Variants in MAP7D2 observed in about 807,000 individuals in gnomAD.
MAP7D2 encodes the protein MAP7 domain containing 2.
In MAP7D2, 33 loss-of-function variants were observed where a neutral mutation model predicts 63.5. That is an observed-to-expected ratio of 0.52 (90% CI 0.39 to 0.70). The LOEUF (loss-of-function observed/expected upper bound fraction) is 0.70. Ranked by LOEUF, MAP7D2 falls within the 30% of genes least tolerant of loss-of-function variation. The probability of loss-of-function intolerance (pLI) is 0.00; values close to 1 mark genes in which losing one functional copy is unlikely to be tolerated. For synonymous variants in MAP7D2, 224 were observed against 223.7 expected (o/e 1.00, Z -0.01); for missense variants, 626 against 604.0 (o/e 1.04, Z -0.38).
chrX:20,025,538 C>T (rs913310523), intron 9 of MAP7D2, 143 bp downstream of exon 9: 3 of 770,926 alleles, frequency 3.9e-6, no homozygotes, highest in Non-Finnish European at 5.6e-6. Flanking sequence ...GAGCAACGTG[C>T]AAACCCAAGA....
rs1319182045 is a variant in MAP7D2 at position 20,060,428 on chromosome X, GAGAGAGAAAGAAAGAAAGAA to G, written c.372+2966_372+2985del. ...GAAAAGAAAAGAAAAGAGAGAGAGA[GAGAGAGAAAGAAAGAAAGAA>G]AGAAAGAAAGAAAGAAAGAAAGAAA... is the stretch of plus-strand genomic sequence containing the variant. On this transcript the variant is annotated intron_variant, in intron 3 of 16. Coordinates refer to ENST00000379643, the MANE Select transcript of MAP7D2 (RefSeq NM_001168465.2). 9.1e-3 allele frequency among the ~76,000 whole-genome samples: 731 copies of G among 80,667 alleles called. 6 individuals carry two copies. The highest frequency in any genetic ancestry group is 0.028 in the African/African-American group (623 of 22,112). 70.0% of individuals were successfully genotyped at this position (80,667 alleles called of 115,157 possible).
intron 1 of MAP7D2, among the ~76,000 whole-genome samples, chrX:20,074,334 C>G (rs1271296304): frequency 9.0e-6 from 1 of 110,732 alleles, no homozygotes; most frequent in African/African-American, 3.3e-5. Flanking sequence ...TTGGAAATTC[C>G]AGGCAAGGGT....
chrX:20,099,045 A>G (rs2066353593), intron 1 of MAP7D2, among the ~76,000 whole-genome samples: 1 of 112,507 alleles, frequency 8.9e-6, no homozygotes, highest in Admixed American at 9.4e-5. Context: ...AAATTACTAA[A>G]GCTGTGACAC....
intron 1 of MAP7D2, among the ~76,000 whole-genome samples, chrX:20,065,950 C>T (rs1049031572): frequency 1.1e-4 from 11 of 102,116 alleles, no homozygotes; most frequent in Non-Finnish European, 1.6e-4. Context: ...GAGTCTCGCT[C>T]TGTCGCCCAG....
intron 1 of MAP7D2, among the ~76,000 whole-genome samples, chrX:20,099,697 T>C (rs953660175): frequency 2.7e-5 from 3 of 111,962 alleles, no homozygotes; most frequent in African/African-American, 9.8e-5. Flanking sequence ...CTTCTGTAAG[T>C]AAGAAGCTGC....
intron 1 of MAP7D2, among the ~76,000 whole-genome samples, chrX:20,073,412 A>T (rs945917653): frequency 8.9e-6 from 1 of 111,735 alleles, no homozygotes; most frequent in African/African-American, 3.2e-5. Flanking sequence ...ATAAATGATA[A>T]ATGTGTTGTG....
intron 1 of MAP7D2, among the ~76,000 whole-genome samples, chrX:20,101,136 C>T (rs915105035): frequency 1.8e-5 from 2 of 111,833 alleles, no homozygotes; most frequent in African/African-American, 3.2e-5. Flanking sequence ...AGACTTCTGA[C>T]GTCTGGAATT....
chrX:20,023,284 C>T (rs996893320), intron 10 of MAP7D2, among the ~76,000 whole-genome samples: 2 of 112,747 alleles, frequency 1.8e-5, no homozygotes, highest in Admixed American at 9.4e-5. Flanking sequence ...AATCTTTTGA[C>T]GCCATAGGAA....
intron 1 of MAP7D2, among the ~76,000 whole-genome samples, chrX:20,084,196 CAA>C (rs112492302): frequency 5.5e-4 from 31 of 56,284 alleles, no homozygotes; most frequent in African/African-American, 7.8e-4. Context: ...GCAAGACTCA[CAA>C]AAAAAAAAAA....
At chrX:20,098,055 A>G (rs1261079899) in intron 1 of MAP7D2, among the ~76,000 whole-genome samples, 1 of 111,614 alleles carries the variant, frequency 9.0e-6, no homozygotes, top group Admixed American at 9.5e-5. Context: ...CACTATAACA[A>G]AAAATCTTTT....
At position 20,025,821 on chromosome X, in the gene MAP7D2, C is replaced by T; in HGVS notation, c.1139G>A (p.Ser380Asn). The T allele has an allele frequency of 8.3e-7, 1 of 1,211,969 alleles. No individual in the cohort carries two copies. The highest frequency in any genetic ancestry group is 1.7e-5 in the African/African-American group (1 of 57,836). Reference protein sequence around the residue: ...MPKRKAEKEKSNKEREGTLAQ... With the variant: ...MPKRKAEKEKNNKEREGTLAQ... ...CAAGGTACCTTCCCTTTCCTTGTTG[C>T]TCTTCTCTTTCTCCGCTTTCCTCTT... The change falls in exon 9 of 17, where the codon AGC (serine) becomes AAC (asparagine). Residue 380 changes from serine (S) to asparagine (N), a missense_variant. Ser to Asn is a conservative substitution (Grantham distance 46). Coordinates refer to ENST00000379643, the MANE Select transcript of MAP7D2 (RefSeq NM_001168465.2).
At chrX:20,089,498 T>C (rs764354609) in intron 1 of MAP7D2, among the ~76,000 whole-genome samples, 6 of 112,542 alleles carry the variant, frequency 5.3e-5, no homozygotes, top group Admixed American at 9.4e-5. Flanking sequence ...CCTCAATTTA[T>C]GCCCTAGTCC....
At chrX:20,031,604 T>G (rs1407102257) in intron 8 of MAP7D2, among the ~76,000 whole-genome samples, 1 of 109,909 alleles carries the variant, frequency 9.1e-6, no homozygotes, top group African/African-American at 3.3e-5. Flanking sequence ...CCATCTCTAA[T>G]AAAAACACAA....
chrX:20,030,104 T>G (rs1053721371), intron 8 of MAP7D2, among the ~76,000 whole-genome samples: 4 of 112,352 alleles, frequency 3.6e-5, no homozygotes, highest in African/African-American at 1.3e-4. Context: ...AAATATGAAT[T>G]AATTAGGGGA....
intron 6 of MAP7D2, among the ~76,000 whole-genome samples, chrX:20,047,873 G>A (rs767352344): frequency 0.026 from 2,193 of 85,251 alleles, 60 homozygotes; most frequent in African/African-American, 0.14. Flanking sequence ...AAAAGAAAGA[G>A]AGAAAAAAAA....
chrX:20,093,572 G>A (rs1263143500), intron 1 of MAP7D2, among the ~76,000 whole-genome samples: 2 of 111,132 alleles, frequency 1.8e-5, no homozygotes, highest in East Asian at 2.8e-4. Context: ...CAGGAGAATC[G>A]CTTGAACCCG....
At chrX:20,078,496 C>T (rs1156439427) in intron 1 of MAP7D2, among the ~76,000 whole-genome samples, 1 of 112,276 alleles carries the variant, frequency 8.9e-6, no homozygotes, top group African/African-American at 3.2e-5. Flanking sequence ...GCTATTCCTA[C>T]TGGGAAGCAC....
intron 1 of MAP7D2, among the ~76,000 whole-genome samples, chrX:20,079,105 T>C (rs1376356883): frequency 9.0e-6 from 1 of 111,186 alleles, no homozygotes; most frequent in African/African-American, 3.3e-5. Flanking sequence ...CATATGTTGT[T>C]AGTGCCCAAA....
intron 8 of MAP7D2, 35 bp from the exon 9 acceptor site, chrX:20,025,987 T>TG: frequency 8.4e-7 from 1 of 1,192,143 alleles, no homozygotes; most frequent in Non-Finnish European, 1.1e-6. Context: ...GGATGATTAC[T>TG]GGGCCTGAAC....
Sources: allele counts gnomAD v4.1 joint callset (sites outside exome capture counted in the v4.1 genomes callset), GRCh38; gene constraint gnomAD v4.1.1; transcripts MANE v1.5; gene names NCBI Gene and HGNC (gene_info 2026-07-23, HGNC 2026-07-21).